TGM3: variants seen among roughly 807,000 people sequenced by gnomAD.
The protein encoded by TGM3 is transglutaminase 3, also known as protein-glutamine gamma-glutamyltransferase E.
In TGM3, 52 loss-of-function variants were observed where a neutral mutation model predicts 73.8. The observed-to-expected ratio is 0.70, with a 90% CI of 0.56 to 0.89. The LOEUF (loss-of-function observed/expected upper bound fraction) is 0.89. Ranked by LOEUF, TGM3 falls within the 40% of genes least tolerant of loss-of-function variation. The pLI, the probability that TGM3 is intolerant of heterozygous loss-of-function variation, is 0.00. For synonymous variants in TGM3, 372 were observed against 354.9 expected, an observed-to-expected ratio of 1.05 and a Z score of -0.54; for missense variants, 928 against 909.9, an observed-to-expected ratio of 1.02 and a Z score of -0.26.
intron 1 of TGM3, among the ~76,000 whole-genome samples, chr20:2,299,098 TC>T (rs2084127782): frequency 6.6e-6 from 1 of 152,104 alleles, no homozygotes; most frequent in African/African-American, 2.4e-5. Context: ...GGATCAAGGC[TC>T]CACTCTGCCC....
chr20:2,332,632 G>T lies in TGM3; in HGVS notation c.1642+322G>T, dbSNP rs1600707713. 6.6e-6 allele frequency among the ~76,000 whole-genome samples: 1 copy of T among 152,164 alleles called. No individual in the cohort carries two copies. Among genetic ancestry groups the T allele is most frequent in the Admixed American group, 6.5e-5 (1 of 15,274 alleles). On this transcript the variant is annotated intron_variant, in intron 10 of 12. Coordinates refer to ENST00000381458, the MANE Select transcript of TGM3 (RefSeq NM_003245.4). The surrounding 1 kb of genome is among the most constrained non-coding windows in gnomAD (Gnocchi z 4.4). Reference sequence around the variant, plus strand: ...CACACAGTTTGACCGTCTAAAAAAAGGCAGATTTTCAGTGTCCATCTTATA... The same window carrying T: ...CACACAGTTTGACCGTCTAAAAAAATGCAGATTTTCAGTGTCCATCTTATA...
At position 2,334,995 on chromosome 20, in the gene TGM3, A is replaced by G. The variant is rs1252097521; in HGVS notation, c.1643-121A>G. The stretch of plus-strand genomic sequence containing the variant: ...GACCTGGCCCAAGGAGGGCTCAGTC[A>G]AGCCCGGGGCTGCAGATCCTCCCAC... On this transcript the variant is annotated intron_variant, in intron 10 of 12. Coordinates refer to ENST00000381458, the MANE Select transcript of TGM3 (RefSeq NM_003245.4). The surrounding 1 kb of genome is among the most constrained non-coding windows in gnomAD (Gnocchi z 4.0). 2.5e-5 allele frequency: 32 copies of G among 1,303,996 alleles called. No individual in the cohort carries two copies. Among genetic ancestry groups the G allele is most frequent in the Middle Eastern group, 4.3e-4 (2 of 4,606 alleles). 80.8% of individuals were successfully genotyped at this position (1,303,996 alleles called of 1,614,324 possible). A position where few individuals can be genotyped will look rare whatever the true frequency, so the allele number is the denominator to read the frequency against.
chr20:2,297,426 T>C (rs1323357402), intron 1 of TGM3, among the ~76,000 whole-genome samples: 1 of 152,220 alleles, frequency 6.6e-6, no homozygotes, highest in Non-Finnish European at 1.5e-5. Context: ...TTGAGGTTCC[T>C]TCCAGTACCG....
chr20:2,331,883 C>T (rs570895354), intron 9 of TGM3, 119 bp from the exon 10 acceptor site: 2 of 1,215,842 alleles, frequency 1.6e-6, no homozygotes, highest in Admixed American at 2.4e-5. Context: ...AGTCGAATGC[C>T]TGCTAGGGCA....
intron 4 of TGM3, 115 bp from the exon 5 acceptor site, chr20:2,312,783 G>A: frequency 6.9e-7 from 1 of 1,442,354 alleles, no homozygotes; most frequent in East Asian, 2.3e-5. Flanking sequence ...AGTTCCAGAG[G>A]CCACAGAGTC....
chr20:2,320,235 T>G (rs1336184688), intron 7 of TGM3, among the ~76,000 whole-genome samples: 3 of 152,226 alleles, frequency 2.0e-5, no homozygotes, highest in Admixed American at 6.5e-5. Flanking sequence ...AGTAATAGAA[T>G]GTGAGAATCA....
chr20:2,312,421 A>AAT (rs1491341142), intron 4 of TGM3, among the ~76,000 whole-genome samples: 1 of 143,208 alleles, frequency 7.0e-6, no homozygotes, highest in Non-Finnish European at 1.5e-5. Flanking sequence ...AAAAAAAAAA[A>AAT]GGATGGGAGG....
At position 2,310,211 on chromosome 20, in the gene TGM3, CTG is replaced by C; in HGVS notation, c.219_220del (p.Phe74SerfsTer7). 6.2e-7 allele frequency: 1 copy of C among 1,614,242 alleles called. No individual in the cohort carries two copies. Among genetic ancestry groups the C allele is most frequent in the Non-Finnish European group, 8.5e-7 (1 of 1,180,048 alleles). ...CCCTCAGAGTCGGCCATGACGAAGGCTGTGTTTCCACTCTCCAATGGCAGTAG... is the reference window on the plus strand; with the variant it reads ...CCCTCAGAGTCGGCCATGACGAAGGCTGTTTCCACTCTCCAATGGCAGTAG... On this transcript the variant is annotated frameshift_variant, in exon 3 of 13. Transcript: ENST00000381458. LOFTEE classifies it high-confidence loss of function.
intron 10 of TGM3, among the ~76,000 whole-genome samples, chr20:2,333,509 T>C (rs2084331878): frequency 6.6e-6 from 1 of 152,084 alleles, no homozygotes; most frequent in African/African-American, 2.4e-5. Context: ...GCCCCCCAAG[T>C]AGCTGTAGTC....
chr20:2,324,537 CA>C (rs1214962163), intron 7 of TGM3, among the ~76,000 whole-genome samples: 1 of 152,220 alleles, frequency 6.6e-6, no homozygotes, highest in African/African-American at 2.4e-5. Context: ...TTGCAGTAGG[CA>C]GTGGCTCTGC....
At chr20:2,299,850 C>T (rs1048552106) in intron 1 of TGM3, among the ~76,000 whole-genome samples, 1 of 152,174 alleles carries the variant, frequency 6.6e-6, no homozygotes, top group South Asian at 2.1e-4. Flanking sequence ...GTAATCCCAG[C>T]ACATTGGGAG....
rs45590945 is a variant in TGM3, at chr20:2,297,436, G to A, written c.7+1366G>A. On this transcript the variant is annotated intron_variant, in intron 1 of 12. Transcript: ENST00000381458. Reference sequence around the variant, plus strand: ...GCGTTTTGAGGTTCCTTCCAGTACCGACTTTTCTTTCTCCACAAAAAGAAA... The same window carrying A: ...GCGTTTTGAGGTTCCTTCCAGTACCAACTTTTCTTTCTCCACAAAAAGAAA... Among the ~76,000 whole-genome samples, 322 of 152,194 alleles carry A rather than the reference G, an allele frequency of 2.1e-3. 11 individuals are homozygous for A. Among genetic ancestry groups the A allele is most frequent in the East Asian group, 4.8e-3 (25 of 5,182 alleles).
intron 9 of TGM3, among the ~76,000 whole-genome samples, chr20:2,329,591 G>A (rs895775209): frequency 1.3e-5 from 2 of 152,124 alleles, no homozygotes; most frequent in East Asian, 1.9e-4. Context: ...GAGGTGTGGG[G>A]ATGTAGGACA....
chr20:2,309,777 T>A lies in TGM3; in HGVS notation c.128T>A (p.Ile43Asn), dbSNP rs745957327. The stretch of plus-strand genomic sequence containing the variant: ...GGCCAAAACTTCCAGGTCTTAATGA[T>A]CATGAACAAAGGCCTTGGCTCTAAC... ...RRGQNFQVLM[I>N]MNKGLGSNER... Residue 43 changes from isoleucine to asparagine, a missense_variant, in exon 2 of 13, where the codon ATC becomes AAC. Ile to Asn is a moderately radical substitution (Grantham distance 149). Transcript: ENST00000381458. 6.2e-7 allele frequency: 1 copy of A among 1,614,182 alleles called. No homozygotes were observed. The highest frequency in any genetic ancestry group is 8.5e-7 in the Non-Finnish European group (1 of 1,180,032).
intron 5 of TGM3, among the ~76,000 whole-genome samples, chr20:2,314,743 A>G (rs1028038892): frequency 2.6e-5 from 4 of 152,202 alleles, no homozygotes; most frequent in Non-Finnish European, 5.9e-5. Context: ...CGAAAAGTCA[A>G]AGTGAATTCT....
intron 12 of TGM3, among the ~76,000 whole-genome samples, chr20:2,340,196 A>T (rs1441587755): frequency 6.6e-6 from 1 of 152,134 alleles, no homozygotes; most frequent in Non-Finnish European, 1.5e-5. Flanking sequence ...CAGAGCTAAG[A>T]GCTGGCCTTC....
chr20:2,332,356 C>A lies in TGM3; in HGVS notation c.1642+46C>A. On this transcript the variant is annotated intron_variant, in intron 10 of 12. Coordinates refer to ENST00000381458, the MANE Select transcript of TGM3 (RefSeq NM_003245.4). The surrounding 1 kb of genome is among the most constrained non-coding windows in gnomAD (Gnocchi z 4.4). ...AGGAGATCCACGAATCCGAGGTAGC[C>A]AATGGCCTTCTGGGGCTGCAGGGTG... is the stretch of plus-strand genomic sequence containing the variant. The A allele has an allele frequency of 6.6e-7, 1 of 1,512,164 alleles. No homozygotes were observed. The highest frequency in any genetic ancestry group is 2.4e-5 in the East Asian group (1 of 42,506). The allele number at this position is 1,512,164 out of a possible 1,614,324, so 93.7% of individuals were successfully genotyped here. A position where few individuals can be genotyped will look rare whatever the true frequency, so the allele number is the denominator to read the frequency against.
At chr20:2,297,165 G>A (rs2084113537) in intron 1 of TGM3, among the ~76,000 whole-genome samples, 1 of 152,246 alleles carries the variant, frequency 6.6e-6, no homozygotes, top group Non-Finnish European at 1.5e-5. Context: ...GGAGGTGGCT[G>A]AGGCCCAGGA....
Position 2,309,952 on chromosome 20 carries a change from T to G in TGM3, c.181+122T>G, listed in dbSNP as rs2084194529. 2.1e-6 allele frequency: 3 copies of G among 1,436,564 alleles called. No homozygotes were observed. In the Admixed American group the frequency reaches 6.1e-5, roughly 29 times the overall value. 89.0% of individuals were successfully genotyped at this position (1,436,564 alleles called of 1,614,324 possible). ...TTGGGTTCTAGCCTTGCTCTGTCAT[T>G]GATTCAGTGTGGCCTTGGGCAAGTT... On this transcript the variant is annotated intron_variant, in intron 2 of 12. Transcript: ENST00000381458.
Sources: gnomAD v4.1 joint callset for allele counts (sites outside exome capture counted in the v4.1 genomes callset) on GRCh38, gnomAD v4.1.1 for gene constraint, Gnocchi (gnomAD v3.1) non-coding constraint, MANE v1.5 for transcripts, NCBI Gene and HGNC (gene_info 2026-07-23, HGNC 2026-07-21) for gene names.